Variants in LEPR observed in about 807,000 individuals in gnomAD.
LEPR encodes the protein OB receptor.
LEPR carries 56 observed loss-of-function variants against 114.7 expected under a neutral mutation model. The ratio of observed to expected loss-of-function variants is 0.49; its 90% confidence interval spans 0.39 to 0.61. LEPR has a LOEUF of 0.61. Ranked by LOEUF, LEPR falls within the 20% of genes least tolerant of loss-of-function variation. The probability of loss-of-function intolerance (pLI) is 0.00; values close to 1 mark genes in which losing one functional copy is unlikely to be tolerated. For missense variants in LEPR, 1,202 were observed against 1,352.9 expected, an observed-to-expected ratio of 0.89 and a Z score of 1.75; for synonymous variants, 443 against 461.4, an observed-to-expected ratio of 0.96 and a Z score of 0.51.
chr1:65,630,936 C>T (rs1391500861), intron 19 of LEPR, among the ~76,000 whole-genome samples: 2 of 152,058 alleles, frequency 1.3e-5, no homozygotes, highest in Admixed American at 1.3e-4. Context: ...TGTGTTCCTT[C>T]TAGGTCGTGT....
At chr1:65,543,711 T>G (rs1651417068) in intron 2 of LEPR, among the ~76,000 whole-genome samples, 1 of 152,000 alleles carries the variant, frequency 6.6e-6, no homozygotes, top group African/African-American at 2.4e-5. Context: ...CCCAACACCA[T>G]TTATTAAATA....
At chr1:65,525,948 G>C in intron 2 of LEPR, 1 of 824,346 alleles carries the variant, frequency 1.2e-6, no homozygotes, top group Non-Finnish European at 1.5e-6. Flanking sequence ...CTGGGAGTCC[G>C]GGGCAGCTTA....
Position 65,639,209 on chromosome 1 carries a change from A to G in LEPR, c.*2194A>G, listed in dbSNP as rs1658800426. The G allele has an allele frequency of 6.6e-6, 1 of 152,220 alleles. No homozygotes were observed. Among genetic ancestry groups the G allele is most frequent in the Non-Finnish European group, 1.5e-5 (1 of 68,030 alleles). 9.4% of individuals were successfully genotyped at this position (152,220 alleles called of 1,614,324 possible). A position where few individuals can be genotyped will look rare whatever the true frequency, so the allele number is the denominator to read the frequency against. ...ACTGTAGTGCTGTAGGTCTGTGTAA[A>G]GAAATGTAGTGACAGCACATTAACC... On this transcript the variant is annotated 3_prime_UTR_variant, in exon 20 of 20. Transcript: ENST00000349533.
intron 2 of LEPR, among the ~76,000 whole-genome samples, chr1:65,501,495 T>A (rs988027504): frequency 6.6e-6 from 1 of 151,568 alleles, no homozygotes; most frequent in Non-Finnish European, 1.5e-5. Context: ...ACTGGTCATA[T>A]TGGATTAGGT....
chr1:65,484,887 G>A (rs931224954), intron 2 of LEPR, among the ~76,000 whole-genome samples: 4 of 152,154 alleles, frequency 2.6e-5, no homozygotes, highest in Non-Finnish European at 4.4e-5. Flanking sequence ...ATACTGCTAT[G>A]ATTTTTATTC....
At chr1:65,451,866 G>A (rs1374530353) in intron 2 of LEPR, among the ~76,000 whole-genome samples, 1 of 151,994 alleles carries the variant, frequency 6.6e-6, no homozygotes, top group Non-Finnish European at 1.5e-5. Flanking sequence ...AATTACCTTG[G>A]GCGGTATGGC....
At chr1:65,488,155 CCTTCCTTTCTTT>C (rs1448114152) in intron 2 of LEPR, among the ~76,000 whole-genome samples, 1 of 83,748 alleles carries the variant, frequency 1.2e-5, no homozygotes, top group African/African-American at 8.1e-5. Flanking sequence ...TTCCTTCCTT[CCTTCCTTTCTTT>C]CTTTCTTTCT....
At chr1:65,457,330 CAT>C (rs1646890812) in intron 2 of LEPR, among the ~76,000 whole-genome samples, 1 of 152,024 alleles carries the variant, frequency 6.6e-6, no homozygotes, top group Admixed American at 6.6e-5. Flanking sequence ...TCATATTATG[CAT>C]ATGTTTATAT....
At chr1:65,482,989 A>G (rs112819321) in intron 2 of LEPR, among the ~76,000 whole-genome samples, 107 of 147,674 alleles carry the variant, frequency 7.2e-4, no homozygotes, top group African/African-American at 2.5e-3. Flanking sequence ...CTCTGTCTCA[A>G]AAAAAAAAAA....
chr1:65,473,695 T>A (rs1647119283), intron 2 of LEPR, among the ~76,000 whole-genome samples: 1 of 152,230 alleles, frequency 6.6e-6, no homozygotes. Flanking sequence ...ATGATGATGA[T>A]GCCTATGTTT....
chr1:65,506,018 G>T (rs1351659871), intron 2 of LEPR, among the ~76,000 whole-genome samples: 1 of 152,016 alleles, frequency 6.6e-6, no homozygotes, highest in Non-Finnish European at 1.5e-5. Context: ...TTTTCCCTAA[G>T]GCCTTATTTG....
At position 65,636,953 on chromosome 1, in the gene LEPR, CA is replaced by C; in HGVS notation, c.3439del (p.Thr1147LeufsTer17). 1 of 1,609,932 alleles carries C rather than the reference CA, an allele frequency of 6.2e-7. No homozygotes were observed. ...TTTTGCATCTTACATGCCTCAATTC[CA>C]AACTTGTTCTACTCAGACTCATAAG... ...KTFASYMPQFQTCSTQTHKIM... is the reference protein window; with the variant it reads ...KTFASYMPQFXTCSTQTHKIM... On this transcript the variant is annotated frameshift_variant, in exon 20 of 20. Coordinates refer to ENST00000349533, the MANE Select transcript of LEPR (RefSeq NM_002303.6). LOFTEE classifies it high-confidence loss of function.
intron 2 of LEPR, among the ~76,000 whole-genome samples, chr1:65,492,095 C>A (rs114234018): frequency 1.3e-5 from 2 of 151,970 alleles, no homozygotes; most frequent in African/African-American, 4.8e-5. Context: ...TGGGTATTTA[C>A]CGAGTTCAAC....
At chr1:65,593,609 T>G (rs1253599946) in intron 6 of LEPR, among the ~76,000 whole-genome samples, 4 of 152,118 alleles carry the variant, frequency 2.6e-5, no homozygotes, top group Non-Finnish European at 4.4e-5. Flanking sequence ...GGTTTTGACA[T>G]CACTAGAGCT....
At chr1:65,497,187 G>A (rs1233521858) in intron 2 of LEPR, among the ~76,000 whole-genome samples, 1 of 152,040 alleles carries the variant, frequency 6.6e-6, no homozygotes, top group Non-Finnish European at 1.5e-5. Context: ...TTCCAGTCCT[G>A]TCATGCAAAA....
chr1:65,436,863 C>T (rs544014151), intron 2 of LEPR, among the ~76,000 whole-genome samples: 47 of 152,362 alleles, frequency 3.1e-4, no homozygotes, highest in South Asian at 6.2e-4. Context: ...TCAACTTTAG[C>T]TGGATAATCA....
At chr1:65,425,067 T>C (rs1489424394) in intron 1 of LEPR, among the ~76,000 whole-genome samples, 8 of 152,252 alleles carry the variant, frequency 5.3e-5, no homozygotes, top group Non-Finnish European at 8.8e-5. Context: ...AGTAAATGTT[T>C]TTATTGATAA....
At chr1:65,547,404 C>G (rs1651842829) in intron 2 of LEPR, among the ~76,000 whole-genome samples, 1 of 152,030 alleles carries the variant, frequency 6.6e-6, no homozygotes, top group Non-Finnish European at 1.5e-5. Context: ...CCTTGTACCT[C>G]TGGTAGAATT....
intron 2 of LEPR, among the ~76,000 whole-genome samples, chr1:65,471,385 T>G (rs1460733097): frequency 2.0e-5 from 3 of 152,230 alleles, no homozygotes; most frequent in African/African-American, 7.2e-5. Context: ...TGGAAACGAC[T>G]GCTATTGGTT....
Sources: allele counts gnomAD v4.1 joint callset (sites outside exome capture counted in the v4.1 genomes callset), GRCh38; gene constraint gnomAD v4.1.1; transcripts MANE v1.5; gene names NCBI Gene and HGNC (gene_info 2026-07-23, HGNC 2026-07-21).